The following RCSD1 variants were observed in gnomAD, a reference collection of about 807,000 sequenced individuals.
The protein encoded by RCSD1 is RCSD domain containing 1, also known as capZ-interacting protein.
Under a neutral mutation model 42.5 loss-of-function variants are expected in RCSD1, and 26 were observed. That is an observed-to-expected ratio of 0.61 (90% confidence interval 0.45 to 0.85). RCSD1 has a LOEUF of 0.85. RCSD1 is among the 40% of genes least tolerant of loss of function. The pLI is 0.00. For missense variants in RCSD1, 571 were observed against 528.3 expected, an observed-to-expected ratio of 1.08 and a Z score of -0.79; for synonymous variants, 220 against 212.2, an observed-to-expected ratio of 1.04 and a Z score of -0.32.
At chr1:167,685,603 C>T in intron 3 of RCSD1, 93 bp downstream of exon 3, 1 of 952,568 alleles carries the variant, frequency 1.0e-6, no homozygotes, top group Non-Finnish European at 1.7e-6. Flanking sequence ...CAAACTCATA[C>T]TTTAAAGCTC....
chr1:167,631,942 A>G (rs1406699807), intron 1 of RCSD1, among the ~76,000 whole-genome samples: 3 of 152,240 alleles, frequency 2.0e-5, no homozygotes, highest in African/African-American at 7.2e-5. Context: ...ATCACCTTCA[A>G]GGAGACTTTA....
At chr1:167,676,528 C>T (rs983457289) in intron 1 of RCSD1, among the ~76,000 whole-genome samples, 7 of 152,198 alleles carry the variant, frequency 4.6e-5, no homozygotes, top group African/African-American at 1.7e-4. Context: ...TTTCCCACCC[C>T]CACCAGACTC....
chr1:167,681,141 T>C (rs1659073537), intron 1 of RCSD1, among the ~76,000 whole-genome samples: 1 of 152,244 alleles, frequency 6.6e-6, no homozygotes, highest in Non-Finnish European at 1.5e-5. Context: ...AGGCTAATAA[T>C]AATGTTGAGA....
chr1:167,697,700 G>A lies in RCSD1; in HGVS notation c.1076G>A (p.Gly359Glu). The A allele has an allele frequency of 2.5e-6, 4 of 1,601,678 alleles. No homozygotes were observed. The South Asian group carries it at 4.5e-5, about 18-fold the overall frequency. Reference protein sequence around the residue: ...PHSPPGGVKGGDVPKQEKGKE... With the variant: ...PHSPPGGVKGEDVPKQEKGKE... ...AGTCCCCCTGGAGGAGTGAAGGGCG[G>A]AGATGTCCCCAAGCAGGAAAAAGGC... is the stretch of plus-strand genomic sequence containing the variant. The change falls in exon 6 of 7, where the codon GGA (glycine) becomes GAA (glutamate). Residue 359 changes from glycine to glutamate, a missense_variant. By Grantham distance (98) the Gly-to-Glu change is moderately conservative. Coordinates refer to ENST00000367854, the MANE Select transcript of RCSD1 (RefSeq NM_052862.4).
chr1:167,685,583 GA>G, intron 3 of RCSD1, 73 bp downstream of exon 3: 4 of 1,248,862 alleles, frequency 3.2e-6, no homozygotes, highest in Middle Eastern at 1.9e-4. Context: ...AAGTTTGGAG[GA>G]GGGGGCACCA....
chr1:167,696,480 C>A (rs370670463), intron 5 of RCSD1, among the ~76,000 whole-genome samples: 17 of 147,454 alleles, frequency 1.2e-4, no homozygotes, highest in African/African-American at 4.3e-4. Context: ...AATGCAGGGT[C>A]TTTCTGTGCT....
intron 1 of RCSD1, among the ~76,000 whole-genome samples, chr1:167,653,836 G>T (rs1464526061): frequency 1.3e-5 from 2 of 152,190 alleles, no homozygotes; most frequent in Admixed American, 1.3e-4. Context: ...AAGAGAATAA[G>T]GATCAAGGCA....
intron 1 of RCSD1, among the ~76,000 whole-genome samples, chr1:167,650,932 C>T (rs944222456): frequency 1.3e-5 from 2 of 152,184 alleles, no homozygotes; most frequent in East Asian, 1.9e-4. Context: ...GACAGCAAAA[C>T]TTTATTTCCT....
intron 1 of RCSD1, among the ~76,000 whole-genome samples, chr1:167,673,225 G>C (rs1388921087): frequency 6.6e-6 from 1 of 152,236 alleles, no homozygotes; most frequent in Non-Finnish European, 1.5e-5. Context: ...ACATGACAAT[G>C]ATTCCTTTTT....
chr1:167,700,060 G>C (rs934995995), intron 6 of RCSD1, among the ~76,000 whole-genome samples: 5 of 152,216 alleles, frequency 3.3e-5, no homozygotes, highest in African/African-American at 7.2e-5. Context: ...TGCATCTCCA[G>C]CACCTGCTAC....
rs754459738 is a variant in RCSD1 at position 167,697,198 on chromosome 1, T to C, written c.574T>C (p.Ser192Pro). The change falls in exon 6 of 7, where the codon TCA (serine) becomes CCA (proline). Residue 192 changes from serine to proline, a missense_variant. Ser to Pro is a moderately conservative substitution (Grantham distance 74). Transcript: ENST00000367854. ...GELGDFRAVE[S>P]SQQNGAKEED... is the part of the protein sequence containing the mutation. ...ACTTGGAGATTTCAGGGCGGTGGAG[T>C]CATCTCAGCAGAACGGTGCTAAGGA... 25 of 1,613,562 alleles carry C rather than the reference T, an allele frequency of 1.5e-5. No individual in the cohort carries two copies. The Admixed American group carries it at 2.3e-4, about 15-fold the overall frequency.
chr1:167,632,427 A>C (rs569937843), intron 1 of RCSD1, among the ~76,000 whole-genome samples: 1 of 152,338 alleles, frequency 6.6e-6, no homozygotes, highest in Non-Finnish European at 1.5e-5. Flanking sequence ...CTCCTTCCAC[A>C]GAGGCAGTTT....
intron 1 of RCSD1, among the ~76,000 whole-genome samples, chr1:167,676,611 T>C (rs1420905143): frequency 6.6e-6 from 1 of 151,914 alleles, no homozygotes; most frequent in Admixed American, 6.6e-5. Context: ...CCCACCATCA[T>C]CTCCCAAATT....
intron 1 of RCSD1, among the ~76,000 whole-genome samples, chr1:167,665,375 A>C (rs932494534): frequency 3.3e-5 from 5 of 152,208 alleles, no homozygotes; most frequent in African/African-American, 1.2e-4. Flanking sequence ...ATTGATGGAC[A>C]TTTGAGTTAT....
At chr1:167,650,079 G>A (rs1486465837) in intron 1 of RCSD1, among the ~76,000 whole-genome samples, 5 of 152,174 alleles carry the variant, frequency 3.3e-5, no homozygotes, top group Admixed American at 2.0e-4. Flanking sequence ...TTGAATCAGT[G>A]GCACAAGATT....
chr1:167,670,729 C>T (rs544542930), intron 1 of RCSD1, among the ~76,000 whole-genome samples: 5 of 152,294 alleles, frequency 3.3e-5, no homozygotes, highest in South Asian at 4.2e-4. Context: ...CTCCTCCCCT[C>T]GGCTCCCCCT....
rs180977311 is a variant in RCSD1 at position 167,656,265 on chromosome 1, C to A, written c.6+25836C>A. ...CCTGTCTCGAGTTCTATGACATAAT[C>A]CTCCCTAGAATTCAGTGAGGAGGTA... On this transcript the variant is annotated intron_variant, in intron 1 of 6. Coordinates refer to ENST00000367854, the MANE Select transcript of RCSD1 (RefSeq NM_052862.4). Among the ~76,000 whole-genome samples, 17 of 152,196 alleles carry A rather than the reference C, an allele frequency of 1.1e-4. No homozygotes were observed. The East Asian group carries it at 3.1e-3, about 28-fold the overall frequency.
At chr1:167,704,642 T>C (rs541317251) in intron 6 of RCSD1, 22 bp from the exon 7 acceptor site, 49 of 1,609,694 alleles carry the variant, frequency 3.0e-5, no homozygotes, top group Non-Finnish European at 3.9e-5. Flanking sequence ...TCCTAATTAA[T>C]TCTTTCCTCC....
At chr1:167,639,238 AG>A (rs1657945783) in intron 1 of RCSD1, among the ~76,000 whole-genome samples, 1 of 91,536 alleles carries the variant, frequency 1.1e-5, no homozygotes, top group African/African-American at 4.1e-5. Flanking sequence ...ACAAACAAAA[AG>A]CAAAAACAAA....
Sources: allele counts gnomAD v4.1 joint callset (sites outside exome capture counted in the v4.1 genomes callset), GRCh38; gene constraint gnomAD v4.1.1; transcripts MANE v1.5; gene names NCBI Gene and HGNC (gene_info 2026-07-23, HGNC 2026-07-21).